Variants in ATCAY observed in about 807,000 individuals in gnomAD.
ATCAY encodes ATCAY kinesin light chain interacting caytaxin, also known as caytaxin.
ATCAY carries 22 observed loss-of-function variants against 47.7 expected under a neutral mutation model. That is an observed-to-expected ratio of 0.46 (90% confidence interval 0.33 to 0.66). The LOEUF (loss-of-function observed/expected upper bound fraction) is 0.66. Among genes scored for constraint, ATCAY ranks in the 30% least tolerant of loss-of-function variants. The pLI, the probability that ATCAY is intolerant of heterozygous loss-of-function variation, is 0.02. For synonymous variants in ATCAY, 216 were observed against 207.6 expected, an observed-to-expected ratio of 1.04 and a Z score of -0.35; for missense variants, 452 against 515.0, an observed-to-expected ratio of 0.88 and a Z score of 1.18.
At chr19:3,914,235 CAAA>C (rs56742726) in intron 9 of ATCAY, among the ~76,000 whole-genome samples, 5 of 62,582 alleles carry the variant, frequency 8.0e-5, no homozygotes, top group Non-Finnish European at 7.5e-5. Flanking sequence ...GACTCCATCG[CAAA>C]AAAAAAAAAA....
At chr19:3,904,635 TACACACAC>T (rs58093726) in intron 3 of ATCAY, among the ~76,000 whole-genome samples, 1 of 149,138 alleles carries the variant, frequency 6.7e-6, no homozygotes, top group Admixed American at 6.7e-5. Context: ...AAAATATGTA[TACACACAC>T]ACACACACAC....
At chr19:3,887,078 T>C (rs2038664427) in intron 2 of ATCAY, among the ~76,000 whole-genome samples, 1 of 152,098 alleles carries the variant, frequency 6.6e-6, no homozygotes, top group African/African-American at 2.4e-5. Flanking sequence ...AGCTCACTGC[T>C]GTATCCCAAC....
intron 2 of ATCAY, among the ~76,000 whole-genome samples, chr19:3,892,854 G>A (rs1358878738): frequency 6.6e-6 from 1 of 152,020 alleles, no homozygotes; most frequent in Non-Finnish European, 1.5e-5. Flanking sequence ...GTTGCAATGA[G>A]CCCAGATTGT....
chr19:3,887,637 C>A (rs1224471378), intron 2 of ATCAY, among the ~76,000 whole-genome samples: 3 of 150,868 alleles, frequency 2.0e-5, no homozygotes, highest in African/African-American at 4.8e-5. Context: ...CGGGCACCCG[C>A]CACCACGCCC....
intron 11 of ATCAY, among the ~76,000 whole-genome samples, chr19:3,919,619 C>T (rs1419781498): frequency 1.3e-5 from 2 of 151,714 alleles, no homozygotes; most frequent in East Asian, 3.9e-4. Context: ...AAATATCATC[C>T]AGGTGTGGTG....
chr19:3,888,025 G>A (rs1010585552), intron 2 of ATCAY, among the ~76,000 whole-genome samples: 2 of 150,890 alleles, frequency 1.3e-5, no homozygotes, highest in Non-Finnish European at 3.0e-5. Context: ...TGAGGCAGGA[G>A]AATCACTTGA....
intron 2 of ATCAY, among the ~76,000 whole-genome samples, chr19:3,892,697 G>A (rs536803392): frequency 2.0e-5 from 3 of 152,052 alleles, no homozygotes; most frequent in South Asian, 2.1e-4. Context: ...ACCTGAGGTC[G>A]GGAGTTCAAG....
At chr19:3,905,411 C>T (rs983461799) in intron 3 of ATCAY, 23 bp from the exon 4 acceptor site, 1 of 1,560,848 alleles carries the variant, frequency 6.4e-7, no homozygotes, top group African/African-American at 1.4e-5. Context: ...AAGATGTTTT[C>T]CATTTTTCTC....
chr19:3,912,336 C>T (rs994690558), intron 8 of ATCAY, among the ~76,000 whole-genome samples: 2 of 150,478 alleles, frequency 1.3e-5, no homozygotes, highest in African/African-American at 2.4e-5. Flanking sequence ...TTTTTTCAGA[C>T]GGAGTCTCAC....
intron 5 of ATCAY, 113 bp downstream of exon 5, chr19:3,908,032 T>G (rs2038880539): frequency 7.2e-7 from 1 of 1,381,786 alleles, no homozygotes; most frequent in African/African-American, 1.4e-5. Context: ...TCAACTCGCT[T>G]CGGGTGGACG....
intron 2 of ATCAY, among the ~76,000 whole-genome samples, chr19:3,889,712 G>T (rs2038696755): frequency 1.3e-5 from 2 of 152,156 alleles, no homozygotes; most frequent in Non-Finnish European, 2.9e-5. Flanking sequence ...CAGCAGGTTT[G>T]CTCTGCCACC....
intron 2 of ATCAY, among the ~76,000 whole-genome samples, chr19:3,899,199 A>G (rs2038793583): frequency 6.6e-6 from 1 of 152,116 alleles, no homozygotes; most frequent in African/African-American, 2.4e-5. Context: ...CATTTGATGA[A>G]TAGAGAAAAG....
chr19:3,895,011 AT>A lies in ATCAY; in HGVS notation c.78-7469del, dbSNP rs548222254. The A allele has an allele frequency of 6.7e-4, 263 of 389,778 alleles. 1 individual carries two copies. The highest frequency in any genetic ancestry group is 5.3e-3 in the African/African-American group (246 of 46,814). 24.1% of individuals were successfully genotyped at this position (389,778 alleles called of 1,614,324 possible). A position where few individuals can be genotyped will look rare whatever the true frequency, so the allele number is the denominator to read the frequency against. ...GAGGCCTTCCCTGACCACCCCACAGATTTTTTTCTCTCTCTCTCCTCTCCTT... is the reference window on the plus strand; with the variant it reads ...GAGGCCTTCCCTGACCACCCCACAGATTTTTTCTCTCTCTCTCCTCTCCTT... On this transcript the variant is annotated intron_variant, in intron 2 of 12. Coordinates refer to ENST00000450849, the MANE Select transcript of ATCAY (RefSeq NM_033064.5).
chr19:3,912,415 G>A (rs547268185), intron 8 of ATCAY, among the ~76,000 whole-genome samples: 55 of 151,956 alleles, frequency 3.6e-4, no homozygotes, highest in African/African-American at 1.2e-3. Context: ...CCGGGTTCAC[G>A]CTATTCTGCC....
At chr19:3,917,847 G>A (rs2038979794) in intron 10 of ATCAY, 70 bp downstream of exon 10, 5 of 1,552,174 alleles carry the variant, frequency 3.2e-6, no homozygotes, top group African/African-American at 1.4e-5. Flanking sequence ...TCTCAGTTAG[G>A]GCAACCCGGT....
chr19:3,883,567 T>G (rs2038621676), intron 1 of ATCAY, among the ~76,000 whole-genome samples: 1 of 152,200 alleles, frequency 6.6e-6, no homozygotes, highest in African/African-American at 2.4e-5. Flanking sequence ...TCATTCTTGG[T>G]CATGGGCGGC....
chr19:3,908,334 TC>T lies in ATCAY; in HGVS notation c.615del (p.Asp206ThrfsTer17). ...FAACFLPDSS[L>X]PDYHYIMENL... ...GCCTGCTTCCTTCCAGACAGCAGCC[TC>T]CCCGACTACCACTACATCATGGAGA... On this transcript the variant is annotated frameshift_variant, in exon 6 of 13. Coordinates refer to ENST00000450849, the MANE Select transcript of ATCAY (RefSeq NM_033064.5). LOFTEE classifies it high-confidence loss of function. 6.3e-7 allele frequency: 1 copy of T among 1,594,218 alleles called. No individual in the cohort carries two copies. Among genetic ancestry groups the T allele is most frequent in the Admixed American group, 1.7e-5 (1 of 57,226 alleles).
At chr19:3,920,987 C>T in intron 12 of ATCAY, 189 bp downstream of exon 12, 1 of 699,500 alleles carries the variant, frequency 1.4e-6, no homozygotes, top group Non-Finnish European at 2.5e-6. Flanking sequence ...ACCGGGAAGG[C>T]AGGGAGGTAG....
chr19:3,899,471 G>A (rs1284981540), intron 2 of ATCAY, among the ~76,000 whole-genome samples: 8 of 151,840 alleles, frequency 5.3e-5, no homozygotes, highest in South Asian at 2.1e-4. Flanking sequence ...GCACCACCAC[G>A]CCCAGATAAT....
Sources: allele counts gnomAD v4.1 joint callset (sites outside exome capture counted in the v4.1 genomes callset), GRCh38; gene constraint gnomAD v4.1.1; transcripts MANE v1.5; gene names NCBI Gene and HGNC (gene_info 2026-07-23, HGNC 2026-07-21).